DDX19A: variants seen among roughly 807,000 people sequenced by gnomAD.
The protein encoded by DDX19A is DEAD-box helicase 19A.
DDX19A carries 12 observed loss-of-function variants against 60.6 expected under a neutral mutation model. The observed-to-expected ratio is 0.20, with a 90% CI of 0.13 to 0.32. DDX19A has a LOEUF of 0.32. DDX19A is among the 10% of genes least tolerant of loss of function. The pLI is 1.00. For missense variants in DDX19A, 337 were observed against 600.6 expected, an observed-to-expected ratio of 0.56 and a Z score of 4.59; for synonymous variants, 206 against 218.2, an observed-to-expected ratio of 0.94 and a Z score of 0.49.
At chr16:70,363,044 G>T (rs1394017975) in intron 5 of DDX19A, among the ~76,000 whole-genome samples, 1 of 149,762 alleles carries the variant, frequency 6.7e-6, no homozygotes, top group Non-Finnish European at 1.5e-5. Context: ...TAGAGACAGG[G>T]TATCACTATG....
At chr16:70,351,638 C>T (rs898010884) in intron 2 of DDX19A, among the ~76,000 whole-genome samples, 1 of 151,804 alleles carries the variant, frequency 6.6e-6, no homozygotes, top group Non-Finnish European at 1.5e-5. Context: ...CATTCTTGTG[C>T]CTCAGCCTCC....
intron 10 of DDX19A, 88 bp downstream of exon 10, chr16:70,370,473 G>A (rs993551696): frequency 3.9e-6 from 6 of 1,533,236 alleles, no homozygotes; most frequent in African/African-American, 1.4e-5. Flanking sequence ...CAGGGAAGTC[G>A]GATGGTCTCA....
chr16:70,346,961 T>A lies in DDX19A; in HGVS notation c.-31T>A. 6.2e-7 allele frequency: 1 copy of A among 1,606,160 alleles called. No homozygotes were observed. The highest frequency in any genetic ancestry group is 8.5e-7 in the Non-Finnish European group (1 of 1,176,944). On this transcript the variant is annotated 5_prime_UTR_variant, in exon 1 of 12. Transcript: ENST00000302243. ...CGTTGCGACGTGGTGCAGCGCATAT[T>A]TTCACAAGTGGGTCTCCCTTGTCCG...
chr16:70,353,219 A>T (rs1388108064), intron 2 of DDX19A, among the ~76,000 whole-genome samples: 1 of 151,222 alleles, frequency 6.6e-6, no homozygotes, highest in Non-Finnish European at 1.5e-5. Flanking sequence ...GGTTCAAGCA[A>T]TTCTTCTGTC....
At position 70,350,571 on chromosome 16, in the gene DDX19A, G is replaced by A. The variant is rs753532375; in HGVS notation, c.72G>A (p.Gln24=). Residue 24 remains glutamine, a synonymous_variant, in exon 2 of 12, where the codon CAG becomes CAA. Coordinates refer to ENST00000302243, the MANE Select transcript of DDX19A (RefSeq NM_018332.5). ...EAAVKSMTNL[Q]IKEEKVKADT... ...TTTCTATTCAGATGACCAATTTGCA[G>A]ATCAAGGAAGAGAAAGTCAAAGCAG... The A allele has an allele frequency of 2.7e-5, 43 of 1,612,062 alleles. No individual in the cohort carries two copies. In the East Asian group the frequency reaches 9.2e-4, roughly 34 times the overall value.
At chr16:70,361,757 C>T (rs1313166778) in intron 5 of DDX19A, 4 of 351,642 alleles carry the variant, frequency 1.1e-5, no homozygotes, top group Non-Finnish European at 2.1e-5. Flanking sequence ...GGGCTTAAGG[C>T]CGGGCATGGT....
intron 8 of DDX19A, 180 bp from the exon 9 acceptor site, chr16:70,366,444 A>G: frequency 1.6e-6 from 2 of 1,228,018 alleles, no homozygotes; most frequent in Non-Finnish European, 2.3e-6. Context: ...GGGTTGAGAA[A>G]GGAGACCTAG....
chr16:70,352,594 T>C (rs1042501971), intron 2 of DDX19A, among the ~76,000 whole-genome samples: 6 of 150,148 alleles, frequency 4.0e-5, no homozygotes, highest in Admixed American at 1.3e-4. Context: ...TTCCTTGTGT[T>C]TTATAATTAT....
chr16:70,353,900 C>CAAAA (rs564352365), intron 2 of DDX19A, among the ~76,000 whole-genome samples: 9 of 71,700 alleles, frequency 1.3e-4, no homozygotes, highest in South Asian at 5.0e-4. Flanking sequence ...GACTCTGTCT[C>CAAAA]AAAAAAAAAA....
chr16:70,354,686 T>C (rs1294475035), intron 2 of DDX19A, among the ~76,000 whole-genome samples: 1 of 152,174 alleles, frequency 6.6e-6, no homozygotes, highest in Non-Finnish European at 1.5e-5. Flanking sequence ...TTCATGCCAG[T>C]AATCCTAGTG....
rs546136754 is a variant in DDX19A at position 70,349,106 on chromosome 16, A to G, written c.58-1451A>G. ...TCAGTATGTAGTTGTACTCACAACT[A>G]TGATTTATTATAGTGAAAAGATACA... On this transcript the variant is annotated intron_variant, in intron 1 of 11. Transcript: ENST00000302243. Among the ~76,000 whole-genome samples the G allele has an allele frequency of 2.0e-5, 3 of 152,338 alleles. No individual in the cohort carries two copies. The East Asian group carries it at 5.8e-4, about 29-fold the overall frequency.
chr16:70,364,946 G>A, intron 6 of DDX19A, 71 bp from the exon 7 acceptor site: 1 of 1,165,350 alleles, frequency 8.6e-7, no homozygotes, highest in Non-Finnish European at 1.3e-6. Flanking sequence ...AATAACATCA[G>A]CATACTGGGT....
intron 1 of DDX19A, among the ~76,000 whole-genome samples, chr16:70,349,618 C>G (rs1963952487): frequency 2.0e-5 from 3 of 152,152 alleles, no homozygotes; most frequent in African/African-American, 7.2e-5. Context: ...GGAGAAGGAG[C>G]AGGTCAGAGG....
intron 4 of DDX19A, chr16:70,356,824 C>A: frequency 1.7e-6 from 2 of 1,178,282 alleles, no homozygotes; most frequent in Non-Finnish European, 1.1e-6. Context: ...AGCTAAAAGT[C>A]TTATTTCTCT....
At chr16:70,358,278 G>A (rs994229495) in intron 4 of DDX19A, among the ~76,000 whole-genome samples, 5 of 152,020 alleles carry the variant, frequency 3.3e-5, no homozygotes, top group Admixed American at 6.6e-5. Flanking sequence ...CGATCTGCCC[G>A]CCTCAACCTC....
At chr16:70,370,472 C>G (rs182422174) in intron 10 of DDX19A, 87 bp downstream of exon 10, 14 of 1,533,900 alleles carry the variant, frequency 9.1e-6, no homozygotes, top group Non-Finnish European at 1.2e-5. Flanking sequence ...ACAGGGAAGT[C>G]GGATGGTCTC....
At chr16:70,353,711 G>A (rs896749974) in intron 2 of DDX19A, among the ~76,000 whole-genome samples, 2 of 151,698 alleles carry the variant, frequency 1.3e-5, no homozygotes, top group Non-Finnish European at 1.5e-5. Context: ...GACCAGCCTG[G>A]CCAATATGGT....
intron 4 of DDX19A, among the ~76,000 whole-genome samples, chr16:70,360,294 T>C (rs1377694962): frequency 1.5e-5 from 2 of 133,158 alleles, no homozygotes; most frequent in Non-Finnish European, 3.2e-5. Context: ...AAAAAAAATT[T>C]TTTTTTTCTT....
intron 5 of DDX19A, chr16:70,363,830 C>A (rs1262934203): frequency 2.0e-5 from 3 of 152,204 alleles, no homozygotes; most frequent in African/African-American, 7.2e-5. Context: ...AGCTCCGCCT[C>A]CCAGGTTCAT....
Sources: gnomAD v4.1 joint callset for allele counts (sites outside exome capture counted in the v4.1 genomes callset) on GRCh38, gnomAD v4.1.1 for gene constraint, MANE v1.5 for transcripts, NCBI Gene and HGNC (gene_info 2026-07-23, HGNC 2026-07-21) for gene names.